The following CNTN4 variants were observed in gnomAD, a reference collection of about 807,000 sequenced individuals.
CNTN4 encodes contactin 4.
In CNTN4, 77 loss-of-function variants were observed where a neutral mutation model predicts 122.5. The ratio of observed to expected loss-of-function variants is 0.63; its 90% confidence interval spans 0.52 to 0.76. The LOEUF is 0.76. Ranked by LOEUF, CNTN4 falls within the 30% of genes least tolerant of loss-of-function variation. CNTN4 has a pLI of 0.00. For synonymous variants in CNTN4, 512 were observed against 447.0 expected (o/e 1.15, Z -1.83); for missense variants, 1,256 against 1,259.1 (o/e 1.00, Z 0.04).
intron 2 of CNTN4, among the ~76,000 whole-genome samples, chr3:2,246,268 C>T (rs1446132750): frequency 6.6e-6 from 1 of 151,950 alleles, no homozygotes. Context: ...CAGTAAAGTG[C>T]ACAAAATCAT....
intron 7 of CNTN4, among the ~76,000 whole-genome samples, chr3:2,836,043 TA>T (rs1228313207): frequency 2.0e-5 from 3 of 152,076 alleles, no homozygotes; most frequent in Non-Finnish European, 4.4e-5. Flanking sequence ...AAAGAGCATA[TA>T]ATTTTCTATA....
chr3:2,218,180 G>A (rs1291703629), intron 2 of CNTN4, among the ~76,000 whole-genome samples: 2 of 152,108 alleles, frequency 1.3e-5, no homozygotes, highest in Non-Finnish European at 2.9e-5. Flanking sequence ...GCTTTTTATG[G>A]TGGAGTCAAA....
At chr3:2,715,563 C>A (rs2149362587) in intron 4 of CNTN4, among the ~76,000 whole-genome samples, 1 of 152,314 alleles carries the variant, frequency 6.6e-6, no homozygotes, top group East Asian at 1.9e-4. Context: ...CATTTCAAGT[C>A]CCTGTCTTAG....
chr3:2,792,669 C>G (rs2092047922), intron 6 of CNTN4, among the ~76,000 whole-genome samples: 1 of 152,172 alleles, frequency 6.6e-6, no homozygotes, highest in Admixed American at 6.5e-5. Context: ...AGACACCTGT[C>G]AAAACCAATT....
intron 2 of CNTN4, among the ~76,000 whole-genome samples, chr3:2,195,466 G>A (rs1199742261): frequency 6.6e-6 from 1 of 152,078 alleles, no homozygotes; most frequent in East Asian, 1.9e-4. Flanking sequence ...TGGATAATAT[G>A]GCAGTTCTAT....
intron 13 of CNTN4, among the ~76,000 whole-genome samples, chr3:2,958,397 G>A (rs918448754): frequency 6.6e-5 from 10 of 152,084 alleles, no homozygotes; most frequent in Non-Finnish European, 1.2e-4. Flanking sequence ...CCTAGATATT[G>A]GACCATGGAA....
At chr3:2,120,382 T>TATATAA (rs2033661881) in intron 2 of CNTN4, among the ~76,000 whole-genome samples, 5 of 27,348 alleles carry the variant, frequency 1.8e-4, no homozygotes, top group African/African-American at 5.2e-4. Context: ...TAAATATATA[T>TATATAA]ATATATATAT....
chr3:2,818,549 A>G (rs900532625), intron 6 of CNTN4, among the ~76,000 whole-genome samples: 35 of 152,222 alleles, frequency 2.3e-4, no homozygotes, highest in Non-Finnish European at 5.9e-5. Context: ...ATCAAATGTA[A>G]TAGACAACAA....
chr3:2,856,483 G>C (rs1244727531), intron 7 of CNTN4, among the ~76,000 whole-genome samples: 3 of 152,190 alleles, frequency 2.0e-5, no homozygotes, highest in Non-Finnish European at 4.4e-5. Context: ...CACACAAGGG[G>C]ATCAGTGACT....
At chr3:2,444,722 G>A (rs1265230771) in intron 3 of CNTN4, among the ~76,000 whole-genome samples, 1 of 151,948 alleles carries the variant, frequency 6.6e-6, no homozygotes, top group African/African-American at 2.4e-5. Flanking sequence ...GCCTAGTACT[G>A]AATAAATATT....
intron 13 of CNTN4, among the ~76,000 whole-genome samples, chr3:2,943,630 A>ATATATTT (rs1553702084): frequency 2.2e-4 from 28 of 128,228 alleles, no homozygotes; most frequent in Admixed American, 1.7e-3. Context: ...ATATATATAT[A>ATATATTT]TTTTTTTTTT....
At chr3:2,469,155 G>A (rs2075602616) in intron 3 of CNTN4, among the ~76,000 whole-genome samples, 1 of 152,128 alleles carries the variant, frequency 6.6e-6, no homozygotes, top group Admixed American at 6.5e-5. Context: ...AAACCAAGAT[G>A]AATTGACTAA....
intron 4 of CNTN4, among the ~76,000 whole-genome samples, chr3:2,583,323 T>C (rs2080033392): frequency 6.6e-6 from 1 of 152,192 alleles, no homozygotes; most frequent in South Asian, 2.1e-4. Flanking sequence ...CCAACCTATC[T>C]TGGGGGAGGG....
At chr3:2,767,039 A>G (rs556771668) in intron 6 of CNTN4, among the ~76,000 whole-genome samples, 1 of 152,300 alleles carries the variant, frequency 6.6e-6, no homozygotes, top group African/African-American at 2.4e-5. Context: ...TACTAGAAAA[A>G]ATGGTCTTGG....
intron 2 of CNTN4, among the ~76,000 whole-genome samples, chr3:2,212,903 CA>C (rs748392306): frequency 2.2e-4 from 33 of 152,068 alleles, no homozygotes; most frequent in Non-Finnish European, 4.0e-4. Context: ...TAATATTTCC[CA>C]AAATGTGATC....
At chr3:2,387,132 A>G (rs1281192381) in intron 3 of CNTN4, among the ~76,000 whole-genome samples, 1 of 152,230 alleles carries the variant, frequency 6.6e-6, no homozygotes, top group Non-Finnish European at 1.5e-5. Context: ...ACTCAAATTT[A>G]TAAAACTTAT....
At chr3:2,371,314 G>GTACT (rs1201330585) in intron 3 of CNTN4, among the ~76,000 whole-genome samples, 1 of 152,104 alleles carries the variant, frequency 6.6e-6, no homozygotes, top group Non-Finnish European at 1.5e-5. Flanking sequence ...CTTATTCAAG[G>GTACT]TACTTACTGC....
chr3:2,753,442 A>C (rs971780271), intron 6 of CNTN4, among the ~76,000 whole-genome samples: 7 of 152,230 alleles, frequency 4.6e-5, no homozygotes, highest in African/African-American at 1.7e-4. Flanking sequence ...TATTCCATTT[A>C]GTTCTCAACA....
At chr3:2,889,660 T>C (rs1228100655) in intron 10 of CNTN4, among the ~76,000 whole-genome samples, 3 of 152,222 alleles carry the variant, frequency 2.0e-5, no homozygotes, top group East Asian at 1.9e-4. Context: ...CTTGGTTGAA[T>C]AGTCTCTTCA....
Sources: allele counts gnomAD v4.1 joint callset (sites outside exome capture counted in the v4.1 genomes callset), GRCh38; gene constraint gnomAD v4.1.1; transcripts MANE v1.5; gene names NCBI Gene and HGNC (gene_info 2026-07-23, HGNC 2026-07-21).